Variants in PCDHGB1 observed in about 807,000 individuals in gnomAD.
PCDHGB1 encodes the protein protocadherin gamma-B1.
Under a neutral mutation model 56.6 loss-of-function variants are expected in PCDHGB1, and 34 were observed. That is an observed-to-expected ratio of 0.60 (90% confidence interval 0.46 to 0.80). The LOEUF is 0.80. Among genes scored for constraint, PCDHGB1 ranks in the 30% least tolerant of loss-of-function variants. PCDHGB1 has a pLI of 0.00. For synonymous variants in PCDHGB1, 561 were observed against 505.9 expected (o/e 1.11, Z -1.46); for missense variants, 1,278 against 1,204.6 (o/e 1.06, Z -0.90).
chr5:141,421,901 G>C (rs754277661), intron 1 of PCDHGB1: 1 of 1,613,724 alleles, frequency 6.2e-7, no homozygotes, highest in East Asian at 2.2e-5. Flanking sequence ...ATCCGAAAGG[G>C]CGCAGTTCCC....
intron 1 of PCDHGB1, chr5:141,365,824 G>T (rs745398679): frequency 6.2e-7 from 1 of 1,613,926 alleles, no homozygotes; most frequent in African/African-American, 1.3e-5. Flanking sequence ...CATTTCAGGG[G>T]GCGCCCTTGT....
Position 141,487,252 on chromosome 5 carries a change from G to T in PCDHGB1, c.2410-7555G>T. ...GAGAATCTCGTCTAACCCTCTACTT[G>T]GCTGTGTCCCTAGTGGCAATTTGCT... On this transcript the variant is annotated intron_variant, in intron 1 of 3. Transcript: ENST00000523390. The surrounding 1 kb of genome is among the most constrained non-coding windows in gnomAD (Gnocchi z 5.0). 1 of 1,614,110 alleles carries T rather than the reference G, an allele frequency of 6.2e-7. No homozygotes were observed. The highest frequency in any genetic ancestry group is 8.5e-7 in the Non-Finnish European group (1 of 1,180,014).
chr5:141,433,110 G>C (rs1031253372), intron 1 of PCDHGB1: 1 of 1,614,098 alleles, frequency 6.2e-7, no homozygotes, highest in Middle Eastern at 1.7e-4. Context: ...AGCCAGGAGA[G>C]CTTTGAAAAA....
intron 1 of PCDHGB1, among the ~76,000 whole-genome samples, chr5:141,436,477 G>A (rs748354852): frequency 1.3e-5 from 2 of 152,168 alleles, no homozygotes; most frequent in Non-Finnish European, 2.9e-5. Context: ...ATGTATCATA[G>A]AAGGATAGCA....
In PCDHGB1 at chr5:141,432,776, G is replaced by C. The variant is rs975435403; in HGVS notation, c.2410-62031G>C. 1.9e-6 allele frequency: 3 copies of C among 1,614,172 alleles called. No homozygotes were observed. In the African/African-American group the frequency reaches 4.0e-5, roughly 22 times the overall value. ...GGCCGACAGCATCCCCCAAGTCCTG[G>C]CGGACCTCGGCAGCCTCGAGTCTCC... On this transcript the variant is annotated intron_variant, in intron 1 of 3. Transcript: ENST00000523390. This position sits in a 1 kb window ranked among gnomAD's most constrained non-coding sequence, Gnocchi z 6.0.
intron 3 of PCDHGB1, chr5:141,508,338 A>T (rs1245526252): frequency 1.3e-5 from 2 of 152,224 alleles, no homozygotes; most frequent in Non-Finnish European, 2.9e-5. Flanking sequence ...AACTGACTCT[A>T]CAGAAAGTCA....
Position 141,509,375 on chromosome 5 carries a change from T to C in PCDHGB1, c.2558-1572T>C, listed in dbSNP as rs1450730489. Among the ~76,000 whole-genome samples, 6 of 152,168 alleles carry C rather than the reference T, an allele frequency of 3.9e-5. No homozygotes were observed. In the East Asian group the frequency reaches 1.2e-3, roughly 29 times the overall value. On this transcript the variant is annotated intron_variant, in intron 3 of 3. Coordinates refer to ENST00000523390, the MANE Select transcript of PCDHGB1 (RefSeq NM_018922.3). ...GGGCATCCCTGAGGTTTTAACTGTC[T>C]CCTAACCACAGAGGATCTCAGGGCC...
At chr5:141,428,114 C>CG in intron 1 of PCDHGB1, 2 of 1,607,202 alleles carry the variant, frequency 1.2e-6, no homozygotes, top group Non-Finnish European at 1.7e-6. Flanking sequence ...TGCAGGCCAT[C>CG]GAGCCCGGGC....
chr5:141,505,676 C>A (rs1308943385), intron 3 of PCDHGB1, among the ~76,000 whole-genome samples, 195 bp downstream of exon 3: 1 of 152,060 alleles, frequency 6.6e-6, no homozygotes, highest in South Asian at 2.1e-4. Context: ...GGTTGGGGGT[C>A]CTGGGATGCC....
chr5:141,370,188 T>C, intron 1 of PCDHGB1: 1 of 511,926 alleles, frequency 2.0e-6, no homozygotes, highest in South Asian at 4.0e-5. Context: ...CGCTCTTGGC[T>C]AGTGCTGTGC....
At chr5:141,372,766 A>G in intron 1 of PCDHGB1, 1 of 1,611,952 alleles carries the variant, frequency 6.2e-7, no homozygotes, top group Non-Finnish European at 8.5e-7. Flanking sequence ...TTTGAAAGTA[A>G]TGACAATCCA....
chr5:141,440,564 A>G (rs531383065), intron 1 of PCDHGB1: 1 of 152,248 alleles, frequency 6.6e-6, no homozygotes, highest in Admixed American at 6.5e-5. Context: ...TAAGTTACGT[A>G]TCTCTGAGTT....
chr5:141,432,745 G>A lies in PCDHGB1; in HGVS notation c.2410-62062G>A, dbSNP rs138883931. ...TCTCCGCCACTGTCACGCTCACCGT[G>A]GCCGTGGCCGACAGCATCCCCCAAG... On this transcript the variant is annotated intron_variant, in intron 1 of 3. Coordinates refer to ENST00000523390, the MANE Select transcript of PCDHGB1 (RefSeq NM_018922.3). This position sits in a 1 kb window ranked among gnomAD's most constrained non-coding sequence, Gnocchi z 6.0. 311 of 1,614,110 alleles carry A rather than the reference G, an allele frequency of 1.9e-4. No individual in the cohort carries two copies. The African/African-American group carries it at 3.5e-3, about 18-fold the overall frequency.
rs755837851 is a variant in PCDHGB1, at chr5:141,376,241, C to G, written c.2409+23572C>G. On this transcript the variant is annotated intron_variant, in intron 1 of 3. Coordinates refer to ENST00000523390, the MANE Select transcript of PCDHGB1 (RefSeq NM_018922.3). ...GCTGGCGCTCAGACTGCAGCGCTGG[C>G]ACAAGTCACGCCTGCTGCAGGCTTC... 1.9e-6 allele frequency: 3 copies of G among 1,614,236 alleles called. No homozygotes were observed. The South Asian group carries it at 3.3e-5, about 18-fold the overall frequency.
intron 2 of PCDHGB1, among the ~76,000 whole-genome samples, chr5:141,501,075 A>C (rs980856799): frequency 6.6e-6 from 1 of 151,366 alleles, no homozygotes; most frequent in African/African-American, 2.4e-5. Context: ...CACCATGTTG[A>C]CCAGGATGGT....
At chr5:141,430,396 A>G (rs1433813025) in intron 1 of PCDHGB1, among the ~76,000 whole-genome samples, 5 of 151,842 alleles carry the variant, frequency 3.3e-5, no homozygotes, top group Non-Finnish European at 7.4e-5. Context: ...AAAAAAAAAA[A>G]GCTCACTAAA....
In PCDHGB1 at chr5:141,355,403, C is replaced by T. The variant is rs762232178; in HGVS notation, c.2409+2734C>T. 8 of 1,613,938 alleles carry T rather than the reference C, an allele frequency of 5.0e-6. No individual in the cohort carries two copies. The highest frequency in any genetic ancestry group is 6.8e-6 in the Non-Finnish European group (8 of 1,179,932). On this transcript the variant is annotated intron_variant, in intron 1 of 3. Transcript: ENST00000523390. ...GCGGAGCGCGGAGTCCGCATCGTCT[C>T]CAGAGGTAGGACGCAGCTTTTCGCC... is the stretch of plus-strand genomic sequence containing the variant.
At position 141,431,942 on chromosome 5, in the gene PCDHGB1, G is replaced by A. The variant is rs1284808063; in HGVS notation, c.2410-62865G>A. 6.2e-7 allele frequency: 1 copy of A among 1,614,116 alleles called. No homozygotes were observed. The highest frequency in any genetic ancestry group is 2.2e-5 in the East Asian group (1 of 44,884). ...CCAAGGAAATCTGCCCTTTAAATTA[G>A]AAAAATCTTACGGAAATTACTATAG... On this transcript the variant is annotated intron_variant, in intron 1 of 3. Transcript: ENST00000523390. The surrounding 1 kb of genome is among the most constrained non-coding windows in gnomAD (Gnocchi z 4.8).
At position 141,384,907 on chromosome 5, in the gene PCDHGB1, G is replaced by A. The variant is rs753215361; in HGVS notation, c.2409+32238G>A. 1.5e-5 allele frequency: 24 copies of A among 1,613,952 alleles called. No homozygotes were observed. The South Asian group carries it at 2.3e-4, about 16-fold the overall frequency. ...CGTGGCTGTGGCTGACAGCATCCCCGAAGTCTTGGCCGACCTGGGCAGCCT... is the reference window on the plus strand; with the variant it reads ...CGTGGCTGTGGCTGACAGCATCCCCAAAGTCTTGGCCGACCTGGGCAGCCT... On this transcript the variant is annotated intron_variant, in intron 1 of 3. Transcript: ENST00000523390.
Sources: gnomAD v4.1 joint callset for allele counts (sites outside exome capture counted in the v4.1 genomes callset) on GRCh38, gnomAD v4.1.1 for gene constraint, Gnocchi (gnomAD v3.1) non-coding constraint, MANE v1.5 for transcripts, NCBI Gene and HGNC (gene_info 2026-07-23, HGNC 2026-07-21) for gene names.